The following L3MBTL1 variants were observed in gnomAD, a reference collection of about 807,000 sequenced individuals.
L3MBTL1 encodes L3MBTL histone methyl-lysine binding protein 1, also known as lethal(3)malignant brain tumor-like protein 1.
A neutral mutation model predicts 105.3 loss-of-function variants in L3MBTL1; 75 were observed. The ratio of observed to expected loss-of-function variants is 0.71; its 90% CI spans 0.59 to 0.86. The LOEUF is 0.86. L3MBTL1 is among the 40% of genes least tolerant of loss of function. The pLI is 0.00. For missense variants in L3MBTL1, 1,069 were observed against 1,126.4 expected (o/e 0.95, Z 0.73); for synonymous variants, 452 against 436.2 (o/e 1.04, Z -0.45).
downstream of L3MBTL1, among the ~76,000 whole-genome samples, chr20:43,544,691 G>T (rs1179943823): frequency 6.6e-6 from 1 of 152,188 alleles, no homozygotes; most frequent in South Asian, 2.1e-4. Context: ...CCTGACCGGG[G>T]CGGTGGTTCA....
At chr20:43,548,035 C>T in intron 18 of L3MBTL1, 1 of 1,105,492 alleles carries the variant, frequency 9.0e-7, no homozygotes, top group Admixed American at 2.5e-5. Context: ...CATGCACACC[C>T]CTCCCTTTCC....
downstream of L3MBTL1, among the ~76,000 whole-genome samples, chr20:43,542,611 C>CAAAAAAAAAAAAAAAAAAAAAAAAAAAAA (rs5841503): frequency 8.9e-6 from 1 of 112,668 alleles, no homozygotes; most frequent in African/African-American, 3.3e-5. Flanking sequence ...AAAAATTTAA[C>CAAAAAAAAAAAAAAAAAAAAAAAAAAAAA]AAAAAAAAAA....
chr20:43,539,880 C>T (rs780815709), intron 19 of L3MBTL1: 4 of 553,590 alleles, frequency 7.2e-6, no homozygotes, highest in Non-Finnish European at 1.3e-5. Flanking sequence ...TTGCAGGGCC[C>T]AGGGTGGTGC....
intron 7 of L3MBTL1, among the ~76,000 whole-genome samples, chr20:43,521,391 C>T (rs144428422): frequency 2.0e-5 from 3 of 152,104 alleles, no homozygotes; most frequent in Non-Finnish European, 4.4e-5. Context: ...AGAAGCTTCC[C>T]GAAGGAATAA....
rs868842366 is a variant in L3MBTL1 at position 43,511,457 on chromosome 20, G to A, written c.-28-2019G>A. On this transcript the variant is annotated intron_variant, in intron 1 of 21. Transcript: ENST00000418998. ...AATAGTAATGAGACAGATAGTGGTG[G>A]GATGGGGTGAGGGGTGTGCTGCTGC... Among the ~76,000 whole-genome samples, 10 of 152,254 alleles carry A rather than the reference G, an allele frequency of 6.6e-5. No individual in the cohort carries two copies. In the South Asian group the frequency reaches 8.3e-4, roughly 13 times the overall value.
At chr20:43,550,946 T>G (rs1978932475) in exon 19 of L3MBTL1, 1 of 152,230 alleles carries the variant, frequency 6.6e-6, no homozygotes, top group Admixed American at 6.5e-5. Context: ...CTTGAACAAC[T>G]GATACGCAGC....
rs766790672 is a variant in L3MBTL1, at chr20:43,536,225, C to T, written c.2054C>T (p.Ser685Leu). Residue 685 changes from serine (S) to leucine (L), a missense_variant, in exon 18 of 22, where the codon TCG becomes TTG. Transcript: ENST00000418998. ...QSRLKAELSD[S>L]EASARKKNLS... ...CGGCTGAAAGCGGAGCTGTCTGACTCGGAGGCCTCAGCCCGCAAGAAGAAC... is the reference window on the plus strand; with the variant it reads ...CGGCTGAAAGCGGAGCTGTCTGACTTGGAGGCCTCAGCCCGCAAGAAGAAC... 5 of 1,612,596 alleles carry T rather than the reference C, an allele frequency of 3.1e-6. No individual in the cohort carries two copies. The East Asian group carries it at 6.7e-5, about 22-fold the overall frequency.
chr20:43,527,332 T>C (rs1216298382), intron 7 of L3MBTL1, among the ~76,000 whole-genome samples: 5 of 152,260 alleles, frequency 3.3e-5, no homozygotes. Context: ...TTTAGTTGTC[T>C]GTAGCCTTCG....
Position 43,522,457 on chromosome 20 carries a change from G to GTT in L3MBTL1, c.863-6170_863-6169dup, listed in dbSNP as rs1176856356. On this transcript the variant is annotated intron_variant, in intron 7 of 21. Transcript: ENST00000418998. ...TGGTAACTGAATTTTTCCCTGCTAAGTTTTTTTTTTTTTTTTTTTTTTTTT... is the reference window on the plus strand; with the variant it reads ...TGGTAACTGAATTTTTCCCTGCTAAGTTTTTTTTTTTTTTTTTTTTTTTTTTT... Among the ~76,000 whole-genome samples the GTT allele has an allele frequency of 1.5e-3, 141 of 95,868 alleles. 22 individuals are homozygous for GTT. The highest frequency in any genetic ancestry group is 4.1e-3 in the East Asian group (11 of 2,654). The allele number at this position is 95,868 out of a possible 152,430, so 62.9% of individuals were successfully genotyped here. A position where few individuals can be genotyped will look rare whatever the true frequency, so the allele number is the denominator to read the frequency against.
chr20:43,545,163 C>A (rs1014617196), downstream of L3MBTL1, among the ~76,000 whole-genome samples: 1 of 151,874 alleles, frequency 6.6e-6, no homozygotes, highest in Non-Finnish European at 1.5e-5. Context: ...GTCAGGAGTT[C>A]AAGAGCAGCC....
At chr20:43,526,751 G>A (rs2019053942) in intron 7 of L3MBTL1, among the ~76,000 whole-genome samples, 1 of 152,164 alleles carries the variant, frequency 6.6e-6, no homozygotes, top group South Asian at 2.1e-4. Flanking sequence ...CCTGAGGTCA[G>A]GAGTTACTGG....
At position 43,541,051 on chromosome 20, in the gene L3MBTL1, G is replaced by A. The variant is rs757208836; in HGVS notation, c.2512G>A (p.Gly838Arg). Residue 838 changes from glycine to arginine, a missense_variant, in exon 22 of 22, where the codon GGA becomes AGA. By Grantham distance (125) the Gly-to-Arg change is moderately radical. Transcript: ENST00000418998. ...LQEGKGILET[G>R]VHSLLCSLPT... ...GGAAGGAAAAGGCATCCTGGAGACA[G>A]GAGTCCATTCACTCCTCTGCTCTCT... The A allele has an allele frequency of 2.5e-6, 4 of 1,614,166 alleles. No homozygotes were observed. The highest frequency in any genetic ancestry group is 2.2e-5 in the East Asian group (1 of 44,864).
rs370621203 is a variant in L3MBTL1 at position 43,532,878 on chromosome 20, C to T, written c.1390C>T (p.Arg464Cys). The T allele has an allele frequency of 9.9e-6, 16 of 1,614,012 alleles. No homozygotes were observed. The highest frequency in any genetic ancestry group is 8.0e-5 in the African/African-American group (6 of 74,892). The change falls in exon 12 of 22, where the codon CGC (arginine) becomes TGC (cysteine). Residue 464 changes from arginine to cysteine, a missense_variant. Coordinates refer to ENST00000418998, the MANE Select transcript of L3MBTL1 (RefSeq NM_001377303.1). ...CAGTGTGACCGATGTGGTGGACAGC[C>T]GCTTCCTGGTGCACTTTGACAACTG... ...VASVTDVVDS[R>C]FLVHFDNWDD... is the part of the protein sequence containing the mutation.
exon 19 of L3MBTL1, chr20:43,549,017 G>A (rs2145511032): frequency 6.6e-6 from 1 of 152,430 alleles, no homozygotes; most frequent in Non-Finnish European, 1.5e-5. Flanking sequence ...CTGTTTTATA[G>A]ATGGCAGAGG....
intron 7 of L3MBTL1, among the ~76,000 whole-genome samples, chr20:43,524,721 T>A (rs889445714): frequency 1.3e-5 from 2 of 151,538 alleles, no homozygotes; most frequent in African/African-American, 4.9e-5. Context: ...TCTTGAAGGA[T>A]GTGAAAAAAA....
intron 4 of L3MBTL1, 23 bp downstream of exon 4, chr20:43,514,799 C>G (rs1343947533): frequency 6.5e-7 from 1 of 1,532,778 alleles, no homozygotes; most frequent in Middle Eastern, 2.0e-4. Context: ...CTCCCCAGGC[C>G]CTGAGCTGGG....
chr20:43,515,646 G>T, intron 6 of L3MBTL1: 1 of 557,498 alleles, frequency 1.8e-6, no homozygotes, highest in South Asian at 2.3e-5. Flanking sequence ...TAGTGTCAAG[G>T]TTAAGACATA....
rs1456154484 is a variant in L3MBTL1, at chr20:43,534,832, A to G, written c.1715A>G (p.His572Arg). 2 of 1,609,348 alleles carry G rather than the reference A, an allele frequency of 1.2e-6. No homozygotes were observed. Among genetic ancestry groups the G allele is most frequent in the Admixed American group, 3.4e-5 (2 of 58,864 alleles). Residue 572 changes from histidine to arginine, a missense_variant, in exon 16 of 22, where the codon CAC (histidine) becomes CGC (arginine). Coordinates refer to ENST00000418998, the MANE Select transcript of L3MBTL1 (RefSeq NM_001377303.1). ...EDVEDHRIKI[H>R]FDGWSHGYDF... is the part of the protein sequence containing the mutation. The stretch of plus-strand genomic sequence containing the variant: ...CCAAGAGCCTTTCCTCCCCAGATCC[A>G]CTTTGATGGCTGGAGTCATGGCTAT...
chr20:43,513,438 C>G, intron 1 of L3MBTL1, 38 bp from the exon 2 acceptor site: 1 of 1,524,334 alleles, frequency 6.6e-7, no homozygotes, highest in South Asian at 1.2e-5. Context: ...AACAAAGGTC[C>G]CCACCTGATC....
Sources: gnomAD v4.1 joint callset for allele counts (sites outside exome capture counted in the v4.1 genomes callset) on GRCh38, gnomAD v4.1.1 for gene constraint, MANE v1.5 for transcripts, NCBI Gene and HGNC (gene_info 2026-07-23, HGNC 2026-07-21) for gene names.